COL11A1: variants seen among roughly 807,000 people sequenced by gnomAD.
COL11A1 encodes collagen type XI alpha 1 chain, also known as collagen alpha-1(XI) chain.
COL11A1 carries 74 observed loss-of-function variants against 265.2 expected under a neutral mutation model. That is an observed-to-expected ratio of 0.28 (90% CI 0.23 to 0.34). The LOEUF (loss-of-function observed/expected upper bound fraction) is 0.34. COL11A1 is among the 10% of genes least tolerant of loss of function. COL11A1 has a pLI of 1.00. For missense variants in COL11A1, 2,165 were observed against 2,263.6 expected (o/e 0.96, Z 0.88); for synonymous variants, 816 against 727.6 (o/e 1.12, Z -1.96).
In COL11A1 at chr1:102,877,748, G is replaced by T; in HGVS notation, c.*271C>A. 1 of 388,340 alleles carries T rather than the reference G, an allele frequency of 2.6e-6. No homozygotes were observed. The highest frequency in any genetic ancestry group is 4.7e-6 in the Non-Finnish European group (1 of 210,792). 24.1% of individuals were successfully genotyped at this position (388,340 alleles called of 1,614,324 possible). ...TTTTTTTGTTTTCTACAGCACCAAA[G>T]AAATTCAAATAGGAAAAGGAGAGTT... is the stretch of plus-strand genomic sequence containing the variant. On this transcript the variant is annotated 3_prime_UTR_variant, in exon 67 of 67. Coordinates refer to ENST00000370096, the MANE Select transcript of COL11A1 (RefSeq NM_001854.4).
At chr1:103,036,008 G>C (rs1002685203) in intron 4 of COL11A1, among the ~76,000 whole-genome samples, 3 of 151,518 alleles carry the variant, frequency 2.0e-5, no homozygotes, top group African/African-American at 7.3e-5. Flanking sequence ...AAAAAGCAAA[G>C]AGAAATTTGA....
Position 103,108,292 on chromosome 1 carries a change from G to A in COL11A1, c.-114C>T. ...TGTTTGCTACACAGCCATTGGGGAG[G>A]GAGAGGGGGAAAAAGTCAAAGGGCT... On this transcript the variant is annotated 5_prime_UTR_variant, in exon 1 of 67. Coordinates refer to ENST00000370096, the MANE Select transcript of COL11A1 (RefSeq NM_001854.4). 1 of 794,398 alleles carries A rather than the reference G, an allele frequency of 1.3e-6. No individual in the cohort carries two copies. Among genetic ancestry groups the A allele is most frequent in the East Asian group, 2.6e-5 (1 of 38,326 alleles). The allele number at this position is 794,398 out of a possible 1,614,324, so 49.2% of individuals were successfully genotyped here.
intron 4 of COL11A1, among the ~76,000 whole-genome samples, chr1:103,061,654 T>C (rs974774989): frequency 6.6e-6 from 1 of 151,926 alleles, no homozygotes; most frequent in Non-Finnish European, 1.5e-5. Flanking sequence ...TCAGGAATAA[T>C]TTAAAAATAT....
At chr1:102,885,557 A>G (rs983990030) in intron 63 of COL11A1, among the ~76,000 whole-genome samples, 1 of 152,164 alleles carries the variant, frequency 6.6e-6, no homozygotes, top group Non-Finnish European at 1.5e-5. Context: ...TTTAACAAAA[A>G]CATCTATATT....
chr1:103,040,180 A>G (rs1169773092), intron 4 of COL11A1, among the ~76,000 whole-genome samples: 1 of 151,848 alleles, frequency 6.6e-6, no homozygotes, highest in Non-Finnish European at 1.5e-5. Context: ...TTATATTGTA[A>G]TCCTACTTCA....
chr1:102,881,517 G>A (rs1650235873), intron 65 of COL11A1, among the ~76,000 whole-genome samples, 180 bp downstream of exon 65: 2 of 152,146 alleles, frequency 1.3e-5, no homozygotes, highest in African/African-American at 2.4e-5. Context: ...ATACAAAAAT[G>A]TTAGGTTGCT....
At chr1:103,049,532 A>T (rs1033486051) in intron 4 of COL11A1, among the ~76,000 whole-genome samples, 1 of 152,138 alleles carries the variant, frequency 6.6e-6, no homozygotes, top group Admixed American at 6.5e-5. Flanking sequence ...CAGCACACTG[A>T]TGGGTCTTGA....
intron 1 of COL11A1, among the ~76,000 whole-genome samples, chr1:103,089,419 A>C (rs1459203314): frequency 6.6e-6 from 1 of 152,160 alleles, no homozygotes; most frequent in Non-Finnish European, 1.5e-5. Flanking sequence ...TTGCTTAATT[A>C]TGTCTTTGGC....
At chr1:102,912,298 C>T in intron 53 of COL11A1, 86 bp from the exon 54 acceptor site, 2 of 1,025,682 alleles carry the variant, frequency 1.9e-6, no homozygotes, top group South Asian at 3.0e-5. Context: ...TGGAAACCAA[C>T]CCTCTTTCTT....
chr1:103,107,685 T>C (rs2102450779), intron 1 of COL11A1, among the ~76,000 whole-genome samples: 1 of 152,292 alleles, frequency 6.6e-6, no homozygotes, highest in African/African-American at 2.4e-5. Flanking sequence ...AGTTAGAATC[T>C]GAAGAAACCA....
intron 36 of COL11A1, among the ~76,000 whole-genome samples, chr1:102,973,419 A>G (rs1662164205): frequency 6.6e-6 from 1 of 152,222 alleles, no homozygotes; most frequent in African/African-American, 2.4e-5. Context: ...TTCTTTGACA[A>G]TGAAACAATA....
At chr1:102,969,849 A>C (rs760534351) in intron 37 of COL11A1, among the ~76,000 whole-genome samples, 2 of 152,116 alleles carry the variant, frequency 1.3e-5, no homozygotes, top group Non-Finnish European at 2.9e-5. Flanking sequence ...TGTTGCCTTT[A>C]GAGTGGAGAG....
chr1:102,963,949 A>G (rs1274717270), intron 38 of COL11A1, among the ~76,000 whole-genome samples: 2 of 152,214 alleles, frequency 1.3e-5, no homozygotes, highest in Non-Finnish European at 2.9e-5. Flanking sequence ...CCATTAAACC[A>G]AATCTTTTGT....
chr1:103,086,740 C>A (rs1436221807), intron 1 of COL11A1, among the ~76,000 whole-genome samples: 1 of 151,922 alleles, frequency 6.6e-6, no homozygotes, highest in African/African-American at 2.4e-5. Context: ...AACACCATGA[C>A]CTTATCCAAG....
Position 103,074,488 on chromosome 1 carries a change from G to C in COL11A1, c.651+130C>G, listed in dbSNP as rs189594192. 908 of 969,964 alleles carry C rather than the reference G, an allele frequency of 9.4e-4. 4 individuals carry two copies. The African/African-American group carries it at 0.013, about 14-fold the overall frequency. The allele number at this position is 969,964 out of a possible 1,614,324, so 60.1% of individuals were successfully genotyped here. ...CATCACCACTATACTCACAGAGGAA[G>C]AAACTAGGTCACCCTTTAGAGTTTT... On this transcript the variant is annotated intron_variant, in intron 4 of 66. Transcript: ENST00000370096.
intron 57 of COL11A1, among the ~76,000 whole-genome samples, chr1:102,890,921 C>T (rs1241164): frequency 0.13 from 20,290 of 151,772 alleles, 2,045 homozygotes; most frequent in African/African-American, 0.28. Context: ...TTTGAACAGT[C>T]AATAGATCTT....
At chr1:103,037,795 AAG>A (rs1297017486) in intron 4 of COL11A1, among the ~76,000 whole-genome samples, 1 of 152,158 alleles carries the variant, frequency 6.6e-6, no homozygotes, top group Non-Finnish European at 1.5e-5. Flanking sequence ...TTTTTATTCT[AAG>A]AGAGCAATTT....
At chr1:103,035,760 ATATT>A (rs1668319119) in intron 4 of COL11A1, among the ~76,000 whole-genome samples, 1 of 152,018 alleles carries the variant, frequency 6.6e-6, no homozygotes, top group Non-Finnish European at 1.5e-5. Flanking sequence ...AAACTTGAAA[ATATT>A]TATTTTTACA....
At chr1:103,010,224 G>T (rs1018472167) in intron 14 of COL11A1, among the ~76,000 whole-genome samples, 4 of 152,042 alleles carry the variant, frequency 2.6e-5, no homozygotes, top group African/African-American at 7.2e-5. Context: ...TCAAAATATC[G>T]ATGTAGACTT....
Sources: gnomAD v4.1 joint callset for allele counts (sites outside exome capture counted in the v4.1 genomes callset) on GRCh38, gnomAD v4.1.1 for gene constraint, MANE v1.5 for transcripts, NCBI Gene and HGNC (gene_info 2026-07-23, HGNC 2026-07-21) for gene names.